Variants in SHANK2 observed in about 807,000 individuals in gnomAD.
SHANK2 encodes SH3 and multiple ankyrin repeat domains 2.
In SHANK2, 43 loss-of-function variants were observed where a neutral mutation model predicts 133.7. The ratio of observed to expected loss-of-function variants is 0.32; its 90% CI spans 0.25 to 0.41. SHANK2 has a LOEUF of 0.41. Among genes scored for constraint, SHANK2 ranks in the 10% least tolerant of loss-of-function variants. The probability of loss-of-function intolerance (pLI) is 1.00; values close to 1 mark genes in which losing one functional copy is unlikely to be tolerated. For synonymous variants in SHANK2, 1,017 were observed against 952.8 expected (o/e 1.07, Z -1.24); for missense variants, 1,994 against 2,235.8 (o/e 0.89, Z 2.18).
intron 10 of SHANK2, among the ~76,000 whole-genome samples, chr11:70,898,020 T>C (rs1224963668): frequency 6.7e-6 from 1 of 149,316 alleles, no homozygotes; most frequent in Admixed American, 6.8e-5. Flanking sequence ...TGGAGTGCAG[T>C]GATGTGATCT....
intron 2 of SHANK2, among the ~76,000 whole-genome samples, chr11:71,210,757 A>T (rs2135686871): frequency 6.6e-6 from 1 of 152,242 alleles, no homozygotes; most frequent in Middle Eastern, 3.4e-3. Context: ...CTGGGGACAG[A>T]GAGCACCATT....
chr11:70,806,050 C>G (rs952175809), intron 13 of SHANK2, among the ~76,000 whole-genome samples: 1 of 152,230 alleles, frequency 6.6e-6, no homozygotes, highest in Non-Finnish European at 1.5e-5. Flanking sequence ...CAGTGTGTCG[C>G]GCAGAGAAAG....
rs10579290 is a variant in SHANK2, at chr11:70,886,697, T to TCA, written c.1174+9802_1174+9803dup. Reference sequence around the variant, plus strand: ...TACTTTCACACACACAATCACACAATCACACACACACACACACACACACAC... The same window carrying TCA: ...TACTTTCACACACACAATCACACAATCACACACACACACACACACACACACAC... On this transcript the variant is annotated intron_variant, in intron 11 of 25. Coordinates refer to ENST00000601538, the MANE Select transcript of SHANK2 (RefSeq NM_012309.5). 9.5e-4 allele frequency among the ~76,000 whole-genome samples: 136 copies of TCA among 143,566 alleles called. 1 individual carries two copies. Among genetic ancestry groups the TCA allele is most frequent in the African/African-American group, 2.9e-3 (117 of 40,196 alleles). 94.2% of individuals were successfully genotyped at this position (143,566 alleles called of 152,430 possible). A position where few individuals can be genotyped will look rare whatever the true frequency, so the allele number is the denominator to read the frequency against.
At chr11:70,874,358 A>G (rs1949522248) in intron 11 of SHANK2, among the ~76,000 whole-genome samples, 1 of 152,078 alleles carries the variant, frequency 6.6e-6, no homozygotes, top group African/African-American at 2.4e-5. Context: ...TATCTAATCT[A>G]TCTATTGAGA....
At chr11:70,688,203 C>G (rs529672383) in intron 15 of SHANK2, among the ~76,000 whole-genome samples, 14 of 152,190 alleles carry the variant, frequency 9.2e-5, no homozygotes, top group Non-Finnish European at 8.8e-5. Context: ...TGAGCTGGAT[C>G]CCCCCTGCAG....
At chr11:71,197,853 C>T (rs1164445486) in intron 2 of SHANK2, among the ~76,000 whole-genome samples, 1 of 152,170 alleles carries the variant, frequency 6.6e-6, no homozygotes, top group African/African-American at 2.4e-5. Context: ...AGCCACATCG[C>T]TTACCCATGC....
chr11:70,647,707 T>C (rs903672552), intron 17 of SHANK2: 2 of 152,212 alleles, frequency 1.3e-5, no homozygotes, highest in Non-Finnish European at 2.9e-5. Flanking sequence ...TGCTCAGCAG[T>C]TAAGCTTTTG....
At chr11:70,720,744 A>AAC (rs1322281562) in intron 14 of SHANK2, among the ~76,000 whole-genome samples, 16 of 151,292 alleles carry the variant, frequency 1.1e-4, no homozygotes, top group African/African-American at 1.7e-4. Flanking sequence ...CACGCATGTG[A>AAC]ACATACACAC....
chr11:70,930,276 C>T (rs1950484607), intron 10 of SHANK2, among the ~76,000 whole-genome samples: 1 of 152,160 alleles, frequency 6.6e-6, no homozygotes, highest in African/African-American at 2.4e-5. Flanking sequence ...TCATGCTCTG[C>T]CGGTGCTCTG....
intron 2 of SHANK2, among the ~76,000 whole-genome samples, chr11:71,201,434 C>A (rs1284642896): frequency 6.6e-6 from 1 of 152,244 alleles, no homozygotes; most frequent in Non-Finnish European, 1.5e-5. Context: ...AGGGTGATCA[C>A]CACGCTGTGT....
chr11:70,754,163 C>A (rs1043814464), intron 14 of SHANK2, among the ~76,000 whole-genome samples: 3 of 152,214 alleles, frequency 2.0e-5, no homozygotes, highest in Non-Finnish European at 4.4e-5. Flanking sequence ...CCAGTGATTT[C>A]GCTGGTGAAT....
chr11:70,553,970 C>T (rs970605976), intron 17 of SHANK2, among the ~76,000 whole-genome samples: 37 of 152,210 alleles, frequency 2.4e-4, no homozygotes, highest in African/African-American at 8.7e-4. Flanking sequence ...AGGAAGTCAG[C>T]AGCAATCTGA....
At chr11:71,156,309 T>G (rs1453172064) in intron 2 of SHANK2, among the ~76,000 whole-genome samples, 10 of 152,352 alleles carry the variant, frequency 6.6e-5, no homozygotes, top group African/African-American at 2.2e-4. Context: ...CCTCCATCTA[T>G]CCAGGTTTCC....
chr11:70,523,143 A>G (rs1591533661), intron 17 of SHANK2, among the ~76,000 whole-genome samples: 1 of 152,220 alleles, frequency 6.6e-6, no homozygotes, highest in Non-Finnish European at 1.5e-5. Flanking sequence ...CGGGTGGCAC[A>G]GCAGGGTGTG....
chr11:70,601,108 G>C (rs1377134377), intron 17 of SHANK2, among the ~76,000 whole-genome samples: 1 of 151,734 alleles, frequency 6.6e-6, no homozygotes, highest in African/African-American at 2.4e-5. Flanking sequence ...GCTGAGCGCA[G>C]TGGTGTAATC....
intron 14 of SHANK2, among the ~76,000 whole-genome samples, chr11:70,702,398 C>T (rs1325773025): frequency 6.6e-6 from 1 of 151,872 alleles, no homozygotes; most frequent in African/African-American, 2.4e-5. Context: ...TCATCACCAC[C>T]ATCCTCTTCA....
intron 2 of SHANK2, among the ~76,000 whole-genome samples, chr11:71,213,674 G>A (rs1466169760): frequency 3.3e-5 from 5 of 152,136 alleles, no homozygotes; most frequent in African/African-American, 1.2e-4. Flanking sequence ...AAAAGGTGGT[G>A]GCCACACCTG....
chr11:70,807,083 C>T lies in SHANK2; in HGVS notation c.1582G>A (p.Gly528Arg), dbSNP rs1465850540. The change falls in exon 13 of 26, where the codon GGG (glycine) becomes AGG (arginine). Residue 528 changes from glycine to arginine, a missense_variant. Physicochemically the swap from Gly to Arg is moderately radical, Grantham distance 125 (BLOSUM62 -2). Coordinates refer to ENST00000601538, the MANE Select transcript of SHANK2 (RefSeq NM_012309.5). The surrounding 1 kb of genome is among the most constrained non-coding windows in gnomAD (Gnocchi z 4.8). Reference protein sequence around the residue: ...PKRKLYSAVPGRLFVAVKPYQ... With the variant: ...PKRKLYSAVPRRLFVAVKPYQ... ...GGCTTGACAGCGACGAAGAGCCTCC[C>T]GGGCACGGCACTGTAGAGCTTCCGC... The T allele has an allele frequency of 2.0e-5, 14 of 717,786 alleles. 1 individual carries two copies. Among genetic ancestry groups the T allele is most frequent in the Middle Eastern group, 2.3e-4 (1 of 4,392 alleles). 44.5% of individuals were successfully genotyped at this position (717,786 alleles called of 1,614,324 possible). A position where few individuals can be genotyped will look rare whatever the true frequency, so the allele number is the denominator to read the frequency against.
chr11:70,798,362 T>C (rs1218317055), intron 14 of SHANK2, 81 bp downstream of exon 14: 2 of 703,106 alleles, frequency 2.8e-6, no homozygotes, highest in South Asian at 1.5e-5. Flanking sequence ...AACGGCCGAA[T>C]CTTGCCACGG....
Sources: allele counts gnomAD v4.1 joint callset (sites outside exome capture counted in the v4.1 genomes callset), GRCh38; gene constraint gnomAD v4.1.1; non-coding constraint Gnocchi (gnomAD v3.1); transcripts MANE v1.5; gene names NCBI Gene and HGNC (gene_info 2026-07-23, HGNC 2026-07-21).